Variants in PDZRN4 observed in about 807,000 individuals in gnomAD.
PDZRN4 encodes the protein PDZ domain containing ring finger 4.
Under a neutral mutation model 99.0 loss-of-function variants are expected in PDZRN4, and 70 were observed. The observed-to-expected ratio is 0.71, with a 90% CI of 0.58 to 0.86. The LOEUF (loss-of-function observed/expected upper bound fraction) is 0.86, where lower values mean the gene tolerates loss of function less well. Among genes scored for constraint, PDZRN4 ranks in the 40% least tolerant of loss-of-function variants. PDZRN4 has a pLI of 0.00. For missense variants in PDZRN4, 1,474 were observed against 1,331.2 expected (o/e 1.11, Z -1.67); for synonymous variants, 551 against 501.6 (o/e 1.10, Z -1.32).
At chr12:41,421,002 A>G (rs988784941) in intron 3 of PDZRN4, among the ~76,000 whole-genome samples, 1 of 152,030 alleles carries the variant, frequency 6.6e-6, no homozygotes, top group Non-Finnish European at 1.5e-5. Flanking sequence ...TAACCCAGAC[A>G]CTCAGTCTTG....
chr12:41,382,525 T>G (rs942327250), intron 3 of PDZRN4, among the ~76,000 whole-genome samples: 1 of 152,220 alleles, frequency 6.6e-6, no homozygotes, highest in Non-Finnish European at 1.5e-5. Context: ...ATCTTGACTC[T>G]TAGGAATTAC....
chr12:41,338,148 T>G (rs10880041), intron 3 of PDZRN4, among the ~76,000 whole-genome samples: 132,626 of 152,120 alleles, frequency 0.87, 58,315 homozygotes, highest in Middle Eastern at 0.95. Context: ...TTTCTGTATC[T>G]TGTCTATATC....
At chr12:41,502,047 T>C (rs916830050) in intron 3 of PDZRN4, among the ~76,000 whole-genome samples, 4 of 152,180 alleles carry the variant, frequency 2.6e-5, no homozygotes, top group Non-Finnish European at 4.4e-5. Context: ...CTAGAATTTC[T>C]CTCATTGGCA....
chr12:41,247,093 G>C (rs1235498859), intron 3 of PDZRN4, among the ~76,000 whole-genome samples: 1 of 151,938 alleles, frequency 6.6e-6, no homozygotes, highest in Admixed American at 6.6e-5. Flanking sequence ...GGACTATAAT[G>C]CTGATGGAAT....
chr12:41,364,543 T>G (rs1262196625), intron 3 of PDZRN4, among the ~76,000 whole-genome samples: 3 of 152,156 alleles, frequency 2.0e-5, no homozygotes, highest in Non-Finnish European at 4.4e-5. Flanking sequence ...AGAGCTTTAC[T>G]CATGTCTTTT....
At chr12:41,557,179 G>T (rs751793331) in intron 7 of PDZRN4, among the ~76,000 whole-genome samples, 4 of 147,952 alleles carry the variant, frequency 2.7e-5, no homozygotes, top group Non-Finnish European at 6.0e-5. Flanking sequence ...AAAAAGAATG[G>T]CTGCAGGGAG....
At chr12:41,334,394 A>G (rs754250675) in intron 3 of PDZRN4, among the ~76,000 whole-genome samples, 21 of 151,672 alleles carry the variant, frequency 1.4e-4, no homozygotes, top group Non-Finnish European at 2.1e-4. Flanking sequence ...AAAGTTAAAA[A>G]AAAAAAAAAA....
At chr12:41,276,540 T>C (rs1263308340) in intron 3 of PDZRN4, among the ~76,000 whole-genome samples, 1 of 152,186 alleles carries the variant, frequency 6.6e-6, no homozygotes, top group African/African-American at 2.4e-5. Context: ...TATTTATACA[T>C]GTCATATTTC....
intron 3 of PDZRN4, among the ~76,000 whole-genome samples, chr12:41,398,362 G>C (rs148972198): frequency 6.6e-6 from 1 of 152,104 alleles, no homozygotes; most frequent in East Asian, 1.9e-4. Flanking sequence ...GAATGGGAAA[G>C]TGGGACAAAG....
chr12:41,466,717 C>G (rs897123861), intron 3 of PDZRN4, among the ~76,000 whole-genome samples: 4 of 149,676 alleles, frequency 2.7e-5, no homozygotes, highest in Non-Finnish European at 3.0e-5. Flanking sequence ...AAAAAGAGAG[C>G]CTGGTGTTTT....
chr12:41,476,048 C>T (rs1050716548), intron 3 of PDZRN4, among the ~76,000 whole-genome samples: 10 of 152,222 alleles, frequency 6.6e-5, no homozygotes, highest in African/African-American at 2.4e-4. Context: ...CACACATACA[C>T]ACACAGGGAG....
chr12:41,398,473 C>T (rs554920849), intron 3 of PDZRN4, among the ~76,000 whole-genome samples: 10 of 152,088 alleles, frequency 6.6e-5, no homozygotes, highest in Admixed American at 6.6e-4. Flanking sequence ...ATCTGTTCTC[C>T]CTTTTCTAGA....
intron 3 of PDZRN4, among the ~76,000 whole-genome samples, chr12:41,210,339 C>G (rs1478858452): frequency 1.3e-5 from 2 of 152,038 alleles, no homozygotes; most frequent in Non-Finnish European, 2.9e-5. Flanking sequence ...TGTGCAGAAG[C>G]TCTTTAGTTT....
intron 8 of PDZRN4, among the ~76,000 whole-genome samples, chr12:41,564,819 G>C (rs1939336721): frequency 6.6e-6 from 1 of 152,030 alleles, no homozygotes; most frequent in South Asian, 2.1e-4. Context: ...TCTCAACCCA[G>C]TTATCTCGCT....
chr12:41,217,363 C>T (rs1194290407), intron 3 of PDZRN4, among the ~76,000 whole-genome samples: 2 of 152,016 alleles, frequency 1.3e-5, no homozygotes, highest in African/African-American at 4.8e-5. Context: ...TCTTGAAATT[C>T]TTAATGTTTT....
chr12:41,504,416 C>A (rs762972748), intron 3 of PDZRN4, among the ~76,000 whole-genome samples: 2 of 152,110 alleles, frequency 1.3e-5, no homozygotes, highest in Non-Finnish European at 2.9e-5. Flanking sequence ...AGGCTGAGGA[C>A]AAAAGAGCAA....
At chr12:41,454,861 C>A (rs1049221366) in intron 3 of PDZRN4, among the ~76,000 whole-genome samples, 1 of 152,150 alleles carries the variant, frequency 6.6e-6, no homozygotes, top group Non-Finnish European at 1.5e-5. Flanking sequence ...GAAATATCTG[C>A]GATAATGGAA....
chr12:41,473,021 T>G (rs1394175464), intron 3 of PDZRN4, among the ~76,000 whole-genome samples: 1 of 152,202 alleles, frequency 6.6e-6, no homozygotes, highest in African/African-American at 2.4e-5. Context: ...CAAATACACT[T>G]TATTTCAGAA....
At chr12:41,502,568 A>T (rs1211077642) in intron 3 of PDZRN4, among the ~76,000 whole-genome samples, 1 of 152,040 alleles carries the variant, frequency 6.6e-6, no homozygotes, top group South Asian at 2.1e-4. Flanking sequence ...AAATCAACTC[A>T]TCTGTATTCC....
Sources: gnomAD v4.1 joint callset for allele counts (sites outside exome capture counted in the v4.1 genomes callset) on GRCh38, gnomAD v4.1.1 for gene constraint, MANE v1.5 for transcripts, NCBI Gene and HGNC (gene_info 2026-07-23, HGNC 2026-07-21) for gene names.